The following ATP8A2 variants were observed in gnomAD, a reference collection of about 807,000 sequenced individuals.
ATP8A2 encodes phospholipid-transporting ATPase IB.
In ATP8A2, 100 loss-of-function variants were observed where a neutral mutation model predicts 165.6. The ratio of observed to expected loss-of-function variants is 0.60; its 90% CI spans 0.51 to 0.71. The LOEUF is 0.71. ATP8A2 is among the 30% of genes least tolerant of loss of function. The probability of loss-of-function intolerance (pLI) is 0.00; values close to 1 mark genes in which losing one functional copy is unlikely to be tolerated. For missense variants in ATP8A2, 1,227 were observed against 1,479.5 expected (o/e 0.83, Z 2.80); for synonymous variants, 543 against 548.8 (o/e 0.99, Z 0.15).
chr13:25,377,819 A>G (rs1024815634), intron 1 of ATP8A2, among the ~76,000 whole-genome samples: 4 of 151,622 alleles, frequency 2.6e-5, no homozygotes, highest in Non-Finnish European at 5.9e-5. Flanking sequence ...GCAAAACAAA[A>G]CAAAACAGTA....
At chr13:25,784,330 C>T (rs1356072552) in intron 27 of ATP8A2, among the ~76,000 whole-genome samples, 1 of 152,180 alleles carries the variant, frequency 6.6e-6, no homozygotes, top group Admixed American at 6.5e-5. Flanking sequence ...AGCTGTGCTT[C>T]GTAGCCCGGG....
At chr13:25,823,942 A>G (rs1226344575) in intron 27 of ATP8A2, among the ~76,000 whole-genome samples, 12 of 152,042 alleles carry the variant, frequency 7.9e-5, no homozygotes, top group Non-Finnish European at 1.5e-4. Context: ...CTCAAGCTTT[A>G]CTACCTATCT....
At chr13:25,544,758 G>A (rs1257049529) in intron 10 of ATP8A2, among the ~76,000 whole-genome samples, 1 of 152,082 alleles carries the variant, frequency 6.6e-6, no homozygotes, top group Admixed American at 6.6e-5. Flanking sequence ...TGATTTTGAA[G>A]ATGCGATAAT....
intron 2 of ATP8A2, among the ~76,000 whole-genome samples, chr13:25,519,177 G>A (rs1381753646): frequency 2.0e-5 from 3 of 152,108 alleles, no homozygotes; most frequent in Non-Finnish European, 4.4e-5. Context: ...TCCCCTGTGC[G>A]TCCATGAGAC....
intron 24 of ATP8A2, among the ~76,000 whole-genome samples, chr13:25,694,442 G>T (rs1452647520): frequency 2.0e-5 from 3 of 152,122 alleles, no homozygotes; most frequent in Non-Finnish European, 2.9e-5. Flanking sequence ...TTCTCAAGAG[G>T]TTTTTCTGTC....
chr13:25,674,130 T>G (rs1200335525), intron 24 of ATP8A2, among the ~76,000 whole-genome samples: 1 of 152,106 alleles, frequency 6.6e-6, no homozygotes, highest in Non-Finnish European at 1.5e-5. Flanking sequence ...AGCCAACCAT[T>G]CAAGGTTGTC....
chr13:25,898,837 G>A (rs142611892), intron 33 of ATP8A2, among the ~76,000 whole-genome samples: 1,803 of 152,330 alleles, frequency 0.012, 119 homozygotes, highest in Admixed American at 0.1. Context: ...GCTAGGTGCC[G>A]GATATAATCT....
At chr13:25,493,817 G>A (rs1294785055) in intron 2 of ATP8A2, among the ~76,000 whole-genome samples, 1 of 152,076 alleles carries the variant, frequency 6.6e-6, no homozygotes, top group Non-Finnish European at 1.5e-5. Flanking sequence ...AAAGGAGTGT[G>A]GAGGGGAGGT....
chr13:25,519,568 C>T (rs2037593691), intron 2 of ATP8A2, among the ~76,000 whole-genome samples: 1 of 152,066 alleles, frequency 6.6e-6, no homozygotes. Context: ...CTTCATGTCA[C>T]CCAGTTTCAG....
At chr13:25,665,552 A>G (rs2042135914) in intron 24 of ATP8A2, among the ~76,000 whole-genome samples, 1 of 152,130 alleles carries the variant, frequency 6.6e-6, no homozygotes. Flanking sequence ...TCTGCTTAGC[A>G]ATATGTGTGA....
intron 25 of ATP8A2, among the ~76,000 whole-genome samples, chr13:25,720,915 G>A (rs1191999455): frequency 6.6e-6 from 1 of 151,606 alleles, no homozygotes; most frequent in Non-Finnish European, 1.5e-5. Context: ...GCTGGACTGG[G>A]CAGAGAGGCC....
intron 32 of ATP8A2, among the ~76,000 whole-genome samples, chr13:25,861,418 A>G (rs1266631031): frequency 6.6e-6 from 1 of 152,178 alleles, no homozygotes; most frequent in African/African-American, 2.4e-5. Flanking sequence ...ATGTCCCACC[A>G]TTTACTTCAT....
intron 1 of ATP8A2, among the ~76,000 whole-genome samples, chr13:25,455,094 G>T (rs1222615978): frequency 6.6e-6 from 1 of 152,214 alleles, no homozygotes; most frequent in Non-Finnish European, 1.5e-5. Flanking sequence ...TTCAGAGGGT[G>T]TTCCTAAACT....
chr13:25,800,583 A>G (rs551521191), intron 27 of ATP8A2, among the ~76,000 whole-genome samples: 10 of 152,282 alleles, frequency 6.6e-5, no homozygotes, highest in African/African-American at 2.4e-4. Context: ...GAGGCACTAT[A>G]TGAATTTCTG....
At chr13:25,920,603 G>A (rs1954421784) in intron 33 of ATP8A2, among the ~76,000 whole-genome samples, 1 of 152,174 alleles carries the variant, frequency 6.6e-6, no homozygotes, top group African/African-American at 2.4e-5. Flanking sequence ...CTCCTTGCAG[G>A]CTACCCTGCC....
rs73168559 is a variant in ATP8A2 at position 25,402,012 on chromosome 13, A to C, written c.76+29724A>C. ...ACAGAATATGGACATGAGCCACTGC[A>C]CCCAGCCTGGGGCCATTAGTAAGTC... On this transcript the variant is annotated intron_variant, in intron 1 of 36. Coordinates refer to ENST00000381655, the MANE Select transcript of ATP8A2 (RefSeq NM_016529.6). 8.4e-3 allele frequency among the ~76,000 whole-genome samples: 1,273 copies of C among 152,034 alleles called. 11 individuals are homozygous for C. The highest frequency in any genetic ancestry group is 0.014 in the Non-Finnish European group (954 of 67,934).
intron 33 of ATP8A2, among the ~76,000 whole-genome samples, chr13:25,938,929 G>C (rs1954990670): frequency 1.3e-5 from 2 of 150,854 alleles, no homozygotes; most frequent in Middle Eastern, 3.4e-3. Flanking sequence ...TGCAACCTCT[G>C]CCTGCCTGGT....
At chr13:25,865,673 C>G (rs1952488686) in intron 33 of ATP8A2, among the ~76,000 whole-genome samples, 1 of 152,170 alleles carries the variant, frequency 6.6e-6, no homozygotes, top group Admixed American at 6.5e-5. Context: ...TAAATCACCT[C>G]ATGACATGGT....
chr13:25,782,046 T>TA (rs2044893552), intron 27 of ATP8A2, among the ~76,000 whole-genome samples: 1 of 152,252 alleles, frequency 6.6e-6, no homozygotes. Context: ...GTAGATGTTT[T>TA]AAACCATGAT....
Sources: gnomAD v4.1 joint callset for allele counts (sites outside exome capture counted in the v4.1 genomes callset) on GRCh38, gnomAD v4.1.1 for gene constraint, MANE v1.5 for transcripts, NCBI Gene and HGNC (gene_info 2026-07-23, HGNC 2026-07-21) for gene names.